The following COG8 variants were observed in gnomAD, a reference collection of about 807,000 sequenced individuals.
COG8 encodes the protein conserved oligomeric Golgi complex subunit 8.
A neutral mutation model predicts 46.5 loss-of-function variants in COG8; 45 were observed. That is an observed-to-expected ratio of 0.97 (90% CI 0.76 to 1.24). The LOEUF (loss-of-function observed/expected upper bound fraction) is 1.24, where lower values mean the gene tolerates loss of function less well. Among genes scored for constraint, COG8 ranks in the 50% most tolerant of loss-of-function variants. COG8 has a pLI of 0.00. For missense variants in COG8, 793 were observed against 820.8 expected (o/e 0.97, Z 0.41); for synonymous variants, 407 against 347.8 (o/e 1.17, Z -1.90).
intron 5 of COG8, chr16:69,330,273 CCAGCCGTTGCGT>C (rs2011689775): frequency 1.5e-5 from 22 of 1,438,842 alleles, no homozygotes; most frequent in Non-Finnish European, 2.0e-5. Context: ...ATCACCTGGA[CCAGCCGTTGCGT>C]CAGCCGCTGC....
rs1053595217 is a variant in COG8, at chr16:69,335,146, G to C, written c.788C>G (p.Pro263Arg). The C allele has an allele frequency of 1.9e-6, 3 of 1,614,214 alleles. No individual in the cohort carries two copies. In the East Asian group the frequency reaches 6.7e-5, roughly 36 times the overall value. Residue 263 changes from proline (P) to arginine (R), a missense_variant, in exon 3 of 6, where the codon CCT becomes CGT. By Grantham distance (103) the Pro-to-Arg change is moderately radical. Transcript: ENST00000306875. ...AATATGGAAATAGGGATCATCATTA[G>C]GAATGGCAGTCAGGATGGACCGGAG... ...AWLRSILTAI[P>R]NDDPYFHITK...
At chr16:69,333,128 GGAGTGTCA>G (rs2011987735) in intron 3 of COG8, among the ~76,000 whole-genome samples, 1 of 151,816 alleles carries the variant, frequency 6.6e-6, no homozygotes, top group African/African-American at 2.4e-5. Context: ...TTCCAGTGGA[GGAGTGTCA>G]TAAAACTATA....
At position 69,339,548 on chromosome 16, in the gene COG8, G is replaced by A. The variant is rs151318611; in HGVS notation, c.5C>T (p.Ala2Val). The change falls in exon 1 of 6, where the codon GCG becomes GTG. Residue 2 changes from alanine to valine, a missense_variant. Physicochemically the swap from Ala to Val is moderately conservative, Grantham distance 64. Coordinates refer to ENST00000306875, the MANE Select transcript of COG8 (RefSeq NM_032382.5). ...TACCGATGGGATAGTCGCCGCGGTCGCCATCTTCCCAGCAACAACGTCACT... is the reference window on the plus strand; with the variant it reads ...TACCGATGGGATAGTCGCCGCGGTCACCATCTTCCCAGCAACAACGTCACT... M[A>V]TAATIPSVAT... is the part of the protein sequence containing the mutation. The A allele has an allele frequency of 1.1e-3, 1,834 of 1,608,912 alleles. 4 individuals carry two copies. Among genetic ancestry groups the A allele is most frequent in the Non-Finnish European group, 1.4e-3 (1,669 of 1,179,960 alleles).
At position 69,339,243 on chromosome 16, in the gene COG8, A is replaced by C; in HGVS notation, c.310T>G (p.Phe104Val). ...CCGAGCGACGCCTCCACGTCGCCAAACAGGCGGTGGATGCGCTCGGTGCAC... is the reference window on the plus strand; with the variant it reads ...CCGAGCGACGCCTCCACGTCGCCAACCAGGCGGTGGATGCGCTCGGTGCAC... ...AECTERIHRL[F>V]GDVEASLGRL... The change falls in exon 1 of 6, where the codon TTT becomes GTT. Residue 104 changes from phenylalanine to valine, a missense_variant. Physicochemically the swap from Phe to Val is conservative, Grantham distance 50. Transcript: ENST00000306875. 1 of 1,612,746 alleles carries C rather than the reference A, an allele frequency of 6.2e-7. No individual in the cohort carries two copies.
At chr16:69,331,944 A>G (rs1476378258) in intron 4 of COG8, among the ~76,000 whole-genome samples, 3 of 152,262 alleles carry the variant, frequency 2.0e-5, no homozygotes, top group African/African-American at 7.2e-5. Context: ...GGGAAAAAGC[A>G]GAGGGCAGCC....
In COG8 at chr16:69,329,091, GC is replaced by G. The variant is rs978543868; in HGVS notation, c.*114del. The G allele has an allele frequency of 1.9e-6, 3 of 1,612,046 alleles. No individual in the cohort carries two copies. Among genetic ancestry groups the G allele is most frequent in the Non-Finnish European group, 1.7e-6 (2 of 1,179,574 alleles). ...TGTCCATTTTGTCAATAAACAGGCA[GC>G]CCTGCAGGTGGTCCATCTCGTGCTG... On this transcript the variant is annotated 3_prime_UTR_variant, in exon 6 of 6. Coordinates refer to ENST00000306875, the MANE Select transcript of COG8 (RefSeq NM_032382.5).
Position 69,334,927 on chromosome 16 carries a change from C to T in COG8, c.1007G>A (p.Arg336Gln), listed in dbSNP as rs752326514. The T allele has an allele frequency of 9.9e-6, 16 of 1,614,026 alleles. No individual in the cohort carries two copies. The highest frequency in any genetic ancestry group is 3.3e-4 in the Middle Eastern group (2 of 6,084). Residue 336 changes from arginine to glutamine, a missense_variant, in exon 3 of 6, where the codon CGG becomes CAG. Coordinates refer to ENST00000306875, the MANE Select transcript of COG8 (RefSeq NM_032382.5). The part of the protein sequence containing the change: ...FLQVLETDLY[R>Q]GIGGHLDSLL... Reference sequence around the variant, plus strand: ...AGAGTCCAGGTGGCCGCCTATGCCCCGGTAAAGGTCGGTCTCCAGCACCTG... The same window carrying T: ...AGAGTCCAGGTGGCCGCCTATGCCCTGGTAAAGGTCGGTCTCCAGCACCTG...
intron 5 of COG8, chr16:69,330,502 T>G (rs890649794): frequency 1.4e-6 from 2 of 1,472,708 alleles, no homozygotes; most frequent in Non-Finnish European, 1.8e-6. Context: ...CACCGACGGC[T>G]GCCGCCCCGC....
rs1183875772 is a variant in COG8, at chr16:69,328,891, G to A, written c.*315C>T. ...CTGACATCTTCCTCCAGCTCAGTCT[G>A]CCATGCCTTGGCAATCCAGTTTCCT... On this transcript the variant is annotated 3_prime_UTR_variant, in exon 6 of 6. Coordinates refer to ENST00000306875, the MANE Select transcript of COG8 (RefSeq NM_032382.5). 4 of 1,195,220 alleles carry A rather than the reference G, an allele frequency of 3.3e-6. No individual in the cohort carries two copies. The highest frequency in any genetic ancestry group is 4.6e-6 in the Non-Finnish European group (4 of 861,948). 74.0% of individuals were successfully genotyped at this position (1,195,220 alleles called of 1,614,324 possible).
chr16:69,337,963 A>G (rs921478229), intron 1 of COG8, among the ~76,000 whole-genome samples: 4 of 151,576 alleles, frequency 2.6e-5, no homozygotes, highest in Admixed American at 6.6e-5. Flanking sequence ...CGATCTCTTG[A>G]CCTCGTGATC....
chr16:69,331,121 A>G (rs1171755024), intron 4 of COG8, 26 bp from the exon 5 acceptor site: 11 of 1,612,588 alleles, frequency 6.8e-6, no homozygotes, highest in East Asian at 2.2e-5. Flanking sequence ...GGAAAGCAAA[A>G]TGGAAAACAG....
Position 69,329,008 on chromosome 16 carries a change from C to T in COG8, c.*198G>A. 6.2e-7 allele frequency: 1 copy of T among 1,600,396 alleles called. No individual in the cohort carries two copies. ...GTCTTGGTATCCGGAATCCTCAGCC[C>T]CAGTAGCAAAGCTTTAGTCATTCAC... On this transcript the variant is annotated 3_prime_UTR_variant, in exon 6 of 6. Coordinates refer to ENST00000306875, the MANE Select transcript of COG8 (RefSeq NM_032382.5).
At position 69,330,989 on chromosome 16, in the gene COG8, GA is replaced by G. The variant is rs766244312; in HGVS notation, c.1688del (p.Phe563SerfsTer112). The stretch of plus-strand genomic sequence containing the variant: ...GCCCCAGCGCCTGGTCATCCAGGGT[GA>G]AAAGCGTCTCTCTCTTTGGCAGGAT... ...AFILPKRETL[F>X]TLDDQALGPE... On this transcript the variant is annotated frameshift_variant, in exon 5 of 6. Transcript: ENST00000306875. LOFTEE classifies it high-confidence loss of function. 2.5e-6 allele frequency: 4 copies of G among 1,607,488 alleles called. No homozygotes were observed. Among genetic ancestry groups the G allele is most frequent in the Non-Finnish European group, 3.4e-6 (4 of 1,177,362 alleles).
intron 5 of COG8, chr16:69,329,864 C>A (rs1965730644): frequency 8.4e-7 from 1 of 1,189,220 alleles, no homozygotes; most frequent in Admixed American, 3.1e-5. Context: ...CCTGAGGCCT[C>A]TCCGCTCCCG....
At position 69,335,039 on chromosome 16, in the gene COG8, G is replaced by A; in HGVS notation, c.895C>T (p.Leu299=). The change falls in exon 3 of 6, where the codon CTG becomes TTG. Residue 299 remains leucine (L), a synonymous_variant. Coordinates refer to ENST00000306875, the MANE Select transcript of COG8 (RefSeq NM_032382.5). ...TGCTCACCCATGGCAGGGGGCAGCAGTGGGTCCTCGTCTGAGAAGATGGCA... is the reference window on the plus strand; with the variant it reads ...TGCTCACCCATGGCAGGGGGCAGCAATGGGTCCTCGTCTGAGAAGATGGCA... The part of the protein sequence containing the change: ...YRAIFSDEDP[L]LPPAMGEHTV... 6.2e-7 allele frequency: 1 copy of A among 1,614,210 alleles called. No homozygotes were observed. Among genetic ancestry groups the A allele is most frequent in the African/African-American group, 1.3e-5 (1 of 75,054 alleles).
At position 69,328,113 on chromosome 16, in the gene COG8, A is replaced by C. The variant is rs965542711; in HGVS notation, c.*1093T>G. 6.6e-6 allele frequency: 1 copy of C among 152,112 alleles called. No homozygotes were observed. The highest frequency in any genetic ancestry group is 2.4e-5 in the African/African-American group (1 of 41,408). The allele number at this position is 152,112 out of a possible 1,614,324, so 9.4% of individuals were successfully genotyped here. Reference sequence around the variant, plus strand: ...CAGGTGCTCGCCACCACGCCCGGCTAATTTTTGTATCTTTAGTAGAGACAG... The same window carrying C: ...CAGGTGCTCGCCACCACGCCCGGCTCATTTTTGTATCTTTAGTAGAGACAG... On this transcript the variant is annotated 3_prime_UTR_variant, in exon 6 of 6. Coordinates refer to ENST00000306875, the MANE Select transcript of COG8 (RefSeq NM_032382.5).
chr16:69,330,948 GGAGCTGT>G lies in COG8; in HGVS notation c.1723_1729del (p.Thr575GlnfsTer98). The G allele has an allele frequency of 3.8e-6, 6 of 1,568,622 alleles. No homozygotes were observed. Among genetic ancestry groups the G allele is most frequent in the Non-Finnish European group, 5.2e-6 (6 of 1,157,450 alleles). On this transcript the variant is annotated frameshift_variant, in exon 5 of 6. Coordinates refer to ENST00000306875, the MANE Select transcript of COG8 (RefSeq NM_032382.5). LOFTEE classifies it high-confidence loss of function. ...CTCCTCGGCGGGAGGCTCTGGTGCTGGAGCTGTGAGCTCGGGCCCCAGCGCCTGGTCA... is the reference window on the plus strand; with the variant it reads ...CTCCTCGGCGGGAGGCTCTGGTGCTGGAGCTCGGGCCCCAGCGCCTGGTCA...
At position 69,339,546 on chromosome 16, in the gene COG8, T is replaced by G. The variant is rs1597227669; in HGVS notation, c.7A>C (p.Thr3Pro). Residue 3 changes from threonine (T) to proline (P), a missense_variant, in exon 1 of 6, where the codon ACC (threonine) becomes CCC (proline). By Grantham distance (38) the Thr-to-Pro change is conservative. Transcript: ENST00000306875. MA[T>P]AATIPSVATA... ...GCTACCGATGGGATAGTCGCCGCGG[T>G]CGCCATCTTCCCAGCAACAACGTCA... 3 of 1,608,786 alleles carry G rather than the reference T, an allele frequency of 1.9e-6. No homozygotes were observed. Among genetic ancestry groups the G allele is most frequent in the Non-Finnish European group, 2.5e-6 (3 of 1,179,942 alleles).
chr16:69,329,201 T>C, intron 5 of COG8, 22 bp from the exon 6 acceptor site: 3 of 1,566,768 alleles, frequency 1.9e-6, no homozygotes, highest in African/African-American at 2.7e-5. Flanking sequence ...GTTACAGCCC[T>C]GGTGAGTGGG....
Sources: gnomAD v4.1 joint callset for allele counts (sites outside exome capture counted in the v4.1 genomes callset) on GRCh38, gnomAD v4.1.1 for gene constraint, MANE v1.5 for transcripts, NCBI Gene and HGNC (gene_info 2026-07-23, HGNC 2026-07-21) for gene names.